SLC16A10: variants seen among roughly 807,000 people sequenced by gnomAD.
SLC16A10 encodes the protein monocarboxylate transporter 10.
In SLC16A10, 27 loss-of-function variants were observed where a neutral mutation model predicts 40.0. That is an observed-to-expected ratio of 0.67 (90% CI 0.50 to 0.93). The LOEUF (loss-of-function observed/expected upper bound fraction) is 0.93, where lower values mean the gene tolerates loss of function less well. Among genes scored for constraint, SLC16A10 ranks in the 40% least tolerant of loss-of-function variants. The pLI is 0.00. For missense variants in SLC16A10, 529 were observed against 658.2 expected (o/e 0.80, Z 2.15); for synonymous variants, 213 against 249.8 (o/e 0.85, Z 1.39).
chr6:111,196,968 C>T (rs1215057352), intron 3 of SLC16A10, among the ~76,000 whole-genome samples: 4 of 152,108 alleles, frequency 2.6e-5, no homozygotes, highest in Non-Finnish European at 4.4e-5. Flanking sequence ...CCCCAACCTC[C>T]ACACCAGAAC....
In SLC16A10 at chr6:111,177,272, A is replaced by C; in HGVS notation, c.549A>C (p.Ala183=). 2 of 1,603,986 alleles carry C rather than the reference A, an allele frequency of 1.2e-6. No homozygotes were observed. Among genetic ancestry groups the C allele is most frequent in the Non-Finnish European group, 1.7e-6 (2 of 1,175,912 alleles). ...TATTTGCCTGCGGCTGCTCCTTTGC[A>C]TACCAGCCTTCATTGGTCATTTTGG... ...GIIFACGCSF[A]YQPSLVILGH... The change falls in exon 3 of 6, where the codon GCA becomes GCC. Residue 183 remains alanine, a synonymous_variant. Coordinates refer to ENST00000368851, the MANE Select transcript of SLC16A10 (RefSeq NM_018593.5).
intron 3 of SLC16A10, among the ~76,000 whole-genome samples, chr6:111,184,524 C>T (rs1772859674): frequency 6.6e-6 from 1 of 151,806 alleles, no homozygotes; most frequent in African/African-American, 2.4e-5. Flanking sequence ...TTCTGTCGCC[C>T]AGGCTGGAGT....
intron 1 of SLC16A10, among the ~76,000 whole-genome samples, chr6:111,117,322 A>G (rs936554957): frequency 1.5e-5 from 2 of 132,858 alleles, no homozygotes; most frequent in Admixed American, 1.8e-4. Flanking sequence ...ACTGCACTCC[A>G]TCCTGGGCGA....
At chr6:111,174,824 C>T (rs1772649318) in intron 2 of SLC16A10, among the ~76,000 whole-genome samples, 1 of 152,198 alleles carries the variant, frequency 6.6e-6, no homozygotes, top group South Asian at 2.1e-4. Flanking sequence ...ACAAAACACA[C>T]ATACAAAGCA....
At chr6:111,166,693 T>C (rs977308656) in intron 1 of SLC16A10, among the ~76,000 whole-genome samples, 1 of 152,250 alleles carries the variant, frequency 6.6e-6, no homozygotes, top group African/African-American at 2.4e-5. Context: ...TACATCGGCA[T>C]AATTACAACA....
chr6:111,101,182 C>T (rs183632282), intron 1 of SLC16A10, among the ~76,000 whole-genome samples: 2 of 151,718 alleles, frequency 1.3e-5, no homozygotes, highest in African/African-American at 2.4e-5. Flanking sequence ...AGGGGCATGC[C>T]GCTACACGTA....
chr6:111,206,969 C>T (rs559377717), intron 4 of SLC16A10, among the ~76,000 whole-genome samples: 1 of 152,328 alleles, frequency 6.6e-6, no homozygotes, highest in African/African-American at 2.4e-5. Flanking sequence ...GCTGGGATTA[C>T]AGGCGTGTGC....
At chr6:111,113,204 A>G (rs10457232) in intron 1 of SLC16A10, among the ~76,000 whole-genome samples, 16,928 of 152,240 alleles carry the variant, frequency 0.11, 1,242 homozygotes, top group Middle Eastern at 0.18. Context: ...CTAGAATTAG[A>G]TAGAGTATTG....
At position 111,222,992 on chromosome 6, in the gene SLC16A10, A is replaced by G. The variant is rs1490193575; in HGVS notation, c.*757A>G. 1 of 152,240 alleles carries G rather than the reference A, an allele frequency of 6.6e-6. No homozygotes were observed. The highest frequency in any genetic ancestry group is 2.4e-5 in the African/African-American group (1 of 41,454). 9.4% of individuals were successfully genotyped at this position (152,240 alleles called of 1,614,324 possible). Reference sequence around the variant, plus strand: ...TTCTGAATTTGTTTAAACTGTAACAATAAAGTAAAATAGAATGCATGAAAG... The same window carrying G: ...TTCTGAATTTGTTTAAACTGTAACAGTAAAGTAAAATAGAATGCATGAAAG... On this transcript the variant is annotated 3_prime_UTR_variant, in exon 6 of 6. Coordinates refer to ENST00000368851, the MANE Select transcript of SLC16A10 (RefSeq NM_018593.5).
chr6:111,132,155 C>T (rs1432144304), intron 1 of SLC16A10, among the ~76,000 whole-genome samples: 2 of 151,824 alleles, frequency 1.3e-5, no homozygotes, highest in Non-Finnish European at 2.9e-5. Flanking sequence ...CCATCCTTGC[C>T]AGGGTCCCAG....
intron 1 of SLC16A10, among the ~76,000 whole-genome samples, chr6:111,122,770 A>C (rs1771607645): frequency 6.6e-6 from 1 of 151,830 alleles, no homozygotes; most frequent in Admixed American, 6.6e-5. Flanking sequence ...ATGAGAAGCG[A>C]CCTCCTTAGC....
chr6:111,218,787 G>T, intron 4 of SLC16A10, 27 bp from the exon 5 acceptor site: 1 of 1,595,278 alleles, frequency 6.3e-7, no homozygotes, highest in East Asian at 2.2e-5. Context: ...CCTGCGAGCG[G>T]AGCTGACCTT....
At chr6:111,135,963 T>G (rs537458635) in intron 1 of SLC16A10, among the ~76,000 whole-genome samples, 1 of 152,348 alleles carries the variant, frequency 6.6e-6, no homozygotes, top group Admixed American at 6.5e-5. Context: ...GAGGAATGTA[T>G]CCAGCCTATA....
chr6:111,211,606 G>A (rs971269080), intron 4 of SLC16A10, among the ~76,000 whole-genome samples: 5 of 152,222 alleles, frequency 3.3e-5, no homozygotes, highest in African/African-American at 1.2e-4. Context: ...GAGAAAGAAA[G>A]CCCTTCAGTG....
At chr6:111,143,287 G>A (rs1052644395) in intron 1 of SLC16A10, among the ~76,000 whole-genome samples, 1 of 151,826 alleles carries the variant, frequency 6.6e-6, no homozygotes, top group African/African-American at 2.4e-5. Flanking sequence ...TGTTGCCCAG[G>A]CTGGTTTTGA....
chr6:111,093,151 T>C (rs978808976), intron 1 of SLC16A10, among the ~76,000 whole-genome samples: 1 of 152,148 alleles, frequency 6.6e-6, no homozygotes, highest in Admixed American at 6.6e-5. Context: ...GGGCTTTTTA[T>C]TTGTTTTGAG....
chr6:111,104,146 G>A (rs1397673579), intron 1 of SLC16A10, among the ~76,000 whole-genome samples: 4 of 152,292 alleles, frequency 2.6e-5, no homozygotes, highest in Non-Finnish European at 2.9e-5. Flanking sequence ...GCTGGGGAAC[G>A]GAAGATCTAA....
At chr6:111,159,923 T>C (rs1206942799) in intron 1 of SLC16A10, among the ~76,000 whole-genome samples, 3 of 152,218 alleles carry the variant, frequency 2.0e-5, no homozygotes, top group African/African-American at 7.2e-5. Flanking sequence ...TTTCCATTTA[T>C]ATATCTTTTT....
intron 1 of SLC16A10, among the ~76,000 whole-genome samples, chr6:111,139,689 G>A (rs1771946933): frequency 1.3e-5 from 2 of 152,128 alleles, no homozygotes; most frequent in South Asian, 2.1e-4. Flanking sequence ...GGGCATCTAG[G>A]TTGATTCCAT....
Sources: allele counts gnomAD v4.1 joint callset (sites outside exome capture counted in the v4.1 genomes callset), GRCh38; gene constraint gnomAD v4.1.1; transcripts MANE v1.5; gene names NCBI Gene and HGNC (gene_info 2026-07-23, HGNC 2026-07-21).